The following ALK variants were observed in gnomAD, a reference collection of about 807,000 sequenced individuals.
ALK encodes the protein ALK receptor tyrosine kinase, also known as ALK tyrosine kinase receptor.
ALK carries 74 observed loss-of-function variants against 163.1 expected under a neutral mutation model. That is an observed-to-expected ratio of 0.45 (90% CI 0.38 to 0.55). The LOEUF (loss-of-function observed/expected upper bound fraction) is 0.55. Ranked by LOEUF, ALK falls within the 20% of genes least tolerant of loss-of-function variation. The pLI is 0.00. For synonymous variants in ALK, 960 were observed against 843.2 expected, an observed-to-expected ratio of 1.14 and a Z score of -2.40; for missense variants, 2,063 against 2,105.3, an observed-to-expected ratio of 0.98 and a Z score of 0.39.
At chr2:29,728,024 C>G (rs1221553448) in intron 1 of ALK, among the ~76,000 whole-genome samples, 1 of 152,124 alleles carries the variant, frequency 6.6e-6, no homozygotes, top group African/African-American at 2.4e-5. Context: ...CCTCACCCAC[C>G]ACAGGAGAAG....
chr2:29,432,351 C>T (rs1670292042), intron 4 of ALK, among the ~76,000 whole-genome samples: 1 of 152,150 alleles, frequency 6.6e-6, no homozygotes, highest in Non-Finnish European at 1.5e-5. Context: ...CCATTGCTCT[C>T]TCCCTTGCCA....
rs755441190 is a variant in ALK at position 29,233,586 on chromosome 2, A to C, written c.2466T>G (p.Gly822=). 1 of 1,613,898 alleles carries C rather than the reference A, an allele frequency of 6.2e-7. No individual in the cohort carries two copies. The highest frequency in any genetic ancestry group is 1.1e-5 in the South Asian group (1 of 91,064). ...HEWAGGGGGG[G]GATYVFKMKD... ...ATACCTTAAATACGTAGGTGGCTCC[A>C]CCCCCTCCTCCTCCGCCTCCTGCCC... Residue 822 remains glycine, a synonymous_variant, in exon 14 of 29, where the codon GGT becomes GGG. Transcript: ENST00000389048.
chr2:29,522,196 C>G (rs1028537307), intron 4 of ALK, among the ~76,000 whole-genome samples: 1 of 152,182 alleles, frequency 6.6e-6, no homozygotes, highest in Non-Finnish European at 1.5e-5. Flanking sequence ...CAGATCCAGT[C>G]TACTCCTTAC....
chr2:29,433,921 C>G (rs1164103232), intron 4 of ALK, among the ~76,000 whole-genome samples: 1 of 152,122 alleles, frequency 6.6e-6, no homozygotes, highest in African/African-American at 2.4e-5. Flanking sequence ...TTAAGACTTT[C>G]TGGATCTCTT....
chr2:29,250,867 TCACCTCCA>T (rs1336908697), intron 12 of ALK, among the ~76,000 whole-genome samples: 2 of 152,214 alleles, frequency 1.3e-5, no homozygotes. Flanking sequence ...TGCATGCATA[TCACCTCCA>T]CGAACAGCCT....
intron 12 of ALK, among the ~76,000 whole-genome samples, chr2:29,248,779 T>C (rs1251107369): frequency 6.6e-6 from 1 of 152,226 alleles, no homozygotes; most frequent in Admixed American, 6.5e-5. Flanking sequence ...TGATTAATAA[T>C]AAATGGGAAA....
chr2:29,380,640 G>A (rs1205351509), intron 5 of ALK, among the ~76,000 whole-genome samples: 1 of 151,994 alleles, frequency 6.6e-6, no homozygotes, highest in Admixed American at 6.6e-5. Context: ...CTCCATGTTG[G>A]TCAGGCTGGT....
intron 4 of ALK, among the ~76,000 whole-genome samples, chr2:29,403,900 A>C (rs1422109278): frequency 2.0e-5 from 3 of 152,030 alleles, no homozygotes; most frequent in African/African-American, 7.3e-5. Context: ...CAACAGAGAG[A>C]GACCCTGTCT....
intron 1 of ALK, among the ~76,000 whole-genome samples, chr2:29,889,589 CAG>C (rs979491384): frequency 3.8e-4 from 57 of 151,886 alleles, no homozygotes; most frequent in Admixed American, 3.2e-3. Flanking sequence ...AAAGTGACAG[CAG>C]AGAGACAGCA....
intron 3 of ALK, among the ~76,000 whole-genome samples, chr2:29,689,310 T>C (rs1460117171): frequency 3.3e-5 from 5 of 152,190 alleles, no homozygotes; most frequent in African/African-American, 1.2e-4. Context: ...CAGCCACTTA[T>C]TTGCAGCCTG....
At chr2:29,288,232 A>G (rs1365745466) in intron 9 of ALK, among the ~76,000 whole-genome samples, 2 of 152,132 alleles carry the variant, frequency 1.3e-5, no homozygotes, top group Non-Finnish European at 1.5e-5. Context: ...CGGGATGCAG[A>G]TGCAGCTCTC....
At chr2:29,881,056 G>T (rs55808490) in intron 1 of ALK, among the ~76,000 whole-genome samples, 9,639 of 152,262 alleles carry the variant, frequency 0.063, 440 homozygotes, top group East Asian at 0.14. Context: ...TACTCCAACA[G>T]AACGTAGGTC....
intron 1 of ALK, among the ~76,000 whole-genome samples, chr2:29,827,779 C>T (rs1006499565): frequency 2.0e-5 from 3 of 152,158 alleles, no homozygotes; most frequent in African/African-American, 7.2e-5. Context: ...CCCCATCAAG[C>T]TACCAATGAC....
chr2:29,600,653 C>T (rs899993659), intron 3 of ALK, among the ~76,000 whole-genome samples: 1 of 152,076 alleles, frequency 6.6e-6, no homozygotes, highest in African/African-American at 2.4e-5. Flanking sequence ...TGTACAGTGT[C>T]GATTGCATGG....
At position 29,458,425 on chromosome 2, in the gene ALK, G is replaced by C. The variant is rs371657354; in HGVS notation, c.1154+73490C>G. Among the ~76,000 whole-genome samples, 5 of 152,260 alleles carry C rather than the reference G, an allele frequency of 3.3e-5. No individual in the cohort carries two copies. In the East Asian group the frequency reaches 9.7e-4, roughly 29 times the overall value. On this transcript the variant is annotated intron_variant, in intron 4 of 28. Transcript: ENST00000389048. ...AAGCGTTTATAGTAATTTATCATCTGCACTTTCCAATGCTCTGGGCTAAGG... is the reference window on the plus strand; with the variant it reads ...AAGCGTTTATAGTAATTTATCATCTCCACTTTCCAATGCTCTGGGCTAAGG...
chr2:29,253,863 GATAGA>G (rs1390608236), intron 11 of ALK, among the ~76,000 whole-genome samples: 4 of 151,548 alleles, frequency 2.6e-5, no homozygotes, highest in Non-Finnish European at 5.9e-5. Flanking sequence ...TAGATAGATA[GATAGA>G]TAGATAGATA....
At chr2:29,777,646 C>G (rs920373442) in intron 1 of ALK, among the ~76,000 whole-genome samples, 2 of 152,178 alleles carry the variant, frequency 1.3e-5, no homozygotes, top group Non-Finnish European at 1.5e-5. Context: ...AGATGAGGGA[C>G]AGACTGACTG....
chr2:29,785,508 G>A (rs1050143280), intron 1 of ALK, among the ~76,000 whole-genome samples: 12 of 152,130 alleles, frequency 7.9e-5, no homozygotes, highest in African/African-American at 2.4e-4. Flanking sequence ...AAATACATCT[G>A]AAAGATGATT....
At chr2:29,415,578 A>G (rs1355706216) in intron 4 of ALK, among the ~76,000 whole-genome samples, 5 of 152,312 alleles carry the variant, frequency 3.3e-5, no homozygotes, top group East Asian at 3.9e-4. Context: ...AGGCTCCCCA[A>G]TCAGAACTAC....
Sources: gnomAD v4.1 joint callset for allele counts (sites outside exome capture counted in the v4.1 genomes callset) on GRCh38, gnomAD v4.1.1 for gene constraint, MANE v1.5 for transcripts, NCBI Gene and HGNC (gene_info 2026-07-23, HGNC 2026-07-21) for gene names.